The following ZNF732 variants were observed in gnomAD, a reference collection of about 807,000 sequenced individuals.
The protein encoded by ZNF732 is zinc finger protein 732.
Under a neutral mutation model 11.5 loss-of-function variants are expected in ZNF732, and 12 were observed. That is an observed-to-expected ratio of 1.05 (90% confidence interval 0.67 to 1.70). ZNF732 has a LOEUF of 1.70. ZNF732 is among the 40% of genes most tolerant of loss of function. ZNF732 has a pLI of 0.00. For missense variants in ZNF732, 702 were observed against 676.9 expected (o/e 1.04, Z -0.41); for synonymous variants, 231 against 236.5 (o/e 0.98, Z 0.21).
At chr4:290,118 TTA>T (rs1560161812) in intron 3 of ZNF732, among the ~76,000 whole-genome samples, 1 of 152,194 alleles carries the variant, frequency 6.6e-6, no homozygotes, top group Admixed American at 6.5e-5. Flanking sequence ...AAGATTCCAC[TTA>T]TATAAGGTAT....
intron 1 of ZNF732, among the ~76,000 whole-genome samples, chr4:297,776 C>G (rs1374427747): frequency 6.6e-6 from 1 of 152,172 alleles, no homozygotes; most frequent in African/African-American, 2.4e-5. Context: ...GGAGCACCAG[C>G]TTTGGAGAGG....
chr4:288,221 T>C (rs1193316532), intron 3 of ZNF732, among the ~76,000 whole-genome samples: 4 of 152,210 alleles, frequency 2.6e-5, no homozygotes, highest in East Asian at 3.8e-4. Context: ...CTCTTAATGT[T>C]TGTTAATGTG....
At chr4:294,896 T>C (rs560569068) in intron 3 of ZNF732, among the ~76,000 whole-genome samples, 5 of 152,310 alleles carry the variant, frequency 3.3e-5, no homozygotes, top group African/African-American at 1.2e-4. Context: ...TTTTTCATAT[T>C]TAGGAAAATG....
intron 3 of ZNF732, among the ~76,000 whole-genome samples, chr4:286,667 G>C (rs1719738188): frequency 6.6e-6 from 1 of 152,288 alleles, no homozygotes; most frequent in Middle Eastern, 3.4e-3. Context: ...TTGTTTAATG[G>C]ACAACCTGTT....
intron 1 of ZNF732, among the ~76,000 whole-genome samples, chr4:304,157 G>A (rs1213065242): frequency 3.9e-5 from 6 of 152,134 alleles, no homozygotes; most frequent in Non-Finnish European, 7.3e-5. Flanking sequence ...CACAATTCCT[G>A]AGGGTAGAAC....
intron 3 of ZNF732, among the ~76,000 whole-genome samples, chr4:273,741 G>A (rs375755564): frequency 2.6e-5 from 4 of 151,730 alleles, no homozygotes; most frequent in African/African-American, 7.2e-5. Flanking sequence ...ACTCAAAAAC[G>A]ACATCTTAGG....
At chr4:299,476 C>CACATATGTGTATATAT (rs1553843234) in intron 1 of ZNF732, among the ~76,000 whole-genome samples, 1 of 87,862 alleles carries the variant, frequency 1.1e-5, no homozygotes, top group African/African-American at 4.2e-5. Flanking sequence ...TATATATACA[C>CACATATGTGTATATAT]ATATATACAC....
chr4:271,255 C>G lies in ZNF732; in HGVS notation c.1602G>C (p.Glu534Asp). 1 of 1,572,080 alleles carries G rather than the reference C, an allele frequency of 6.4e-7. No homozygotes were observed. Among genetic ancestry groups the G allele is most frequent in the Admixed American group, 1.9e-5 (1 of 52,804 alleles). ...TGGAACGTCTAAATGCTTTGCCACA[C>G]TCTTCACATCTATAAGGTTTCTCTC... ...HTGEKPYRCEECGKAFRRSRV... is the reference protein window; with the variant it reads ...HTGEKPYRCEDCGKAFRRSRV... Residue 534 changes from glutamate (E) to aspartate (D), a missense_variant, in exon 4 of 4, where the codon GAG becomes GAC. Physicochemically the swap from Glu to Asp is conservative, Grantham distance 45 (BLOSUM62 2). Transcript: ENST00000419098.
intron 3 of ZNF732, among the ~76,000 whole-genome samples, chr4:292,890 CAAAAAA>C (rs34118991): frequency 3.1e-3 from 250 of 79,404 alleles, no homozygotes; most frequent in African/African-American, 0.011. Flanking sequence ...ACTAAAAACA[CAAAAAA>C]AAAAAAAAAA....
chr4:271,706 T>C lies in ZNF732; in HGVS notation c.1151A>G (p.His384Arg), dbSNP rs61792086. 1 of 1,612,864 alleles carries C rather than the reference T, an allele frequency of 6.2e-7. No homozygotes were observed. The highest frequency in any genetic ancestry group is 1.1e-5 in the South Asian group (1 of 90,954). ...SATLNKHKSIHTGEKPYTCEE... is the reference protein window; with the variant it reads ...SATLNKHKSIRTGEKPYTCEE... ...ACATGTGTAGGGTTTCTCTCCAGTA[T>C]GAATACTCTTATGTTTATTAAGGGT... Residue 384 changes from histidine (H) to arginine (R), a missense_variant, in exon 4 of 4, where the codon CAT (histidine) becomes CGT (arginine). Physicochemically the swap from His to Arg is conservative, Grantham distance 29. Coordinates refer to ENST00000419098, the MANE Select transcript of ZNF732 (RefSeq NM_001137608.3).
chr4:301,194 C>T (rs544972661), intron 1 of ZNF732, among the ~76,000 whole-genome samples: 3 of 152,154 alleles, frequency 2.0e-5, no homozygotes, highest in Admixed American at 2.0e-4. Context: ...GTTAGAATGG[C>T]GATCATTAAA....
rs1472179215 is a variant in ZNF732 at position 272,399 on chromosome 4, A to G, written c.458T>C (p.Phe153Ser). 6.9e-6 allele frequency: 11 copies of G among 1,596,696 alleles called. No homozygotes were observed. In the Admixed American group the frequency reaches 1.2e-4, roughly 18 times the overall value. Residue 153 changes from phenylalanine (F) to serine (S), a missense_variant, in exon 4 of 4, where the codon TTT becomes TCT. By Grantham distance (155) the Phe-to-Ser change is radical. Transcript: ENST00000419098. ...TATCCTACGTTGGTTTGAATTTGAA[A>G]ATGTACTAAATACTTTGACATGTAC... is the stretch of plus-strand genomic sequence containing the variant. ...CNVHVKVFST[F>S]SNSNQRRIRH...
At chr4:276,785 A>C (rs6824022) in intron 3 of ZNF732, among the ~76,000 whole-genome samples, 2,119 of 151,960 alleles carry the variant, frequency 0.014, 57 homozygotes, top group African/African-American at 0.049. Flanking sequence ...GATTTTTTTC[A>C]CAGAAATGGA....
chr4:296,606 A>T (rs1304082122), intron 1 of ZNF732, among the ~76,000 whole-genome samples: 2 of 152,162 alleles, frequency 1.3e-5, no homozygotes, highest in African/African-American at 4.8e-5. Flanking sequence ...CTACTGCAAC[A>T]CTGGGCTGAG....
At chr4:299,418 C>CATATGTGTATATATAT (rs1560165134) in intron 1 of ZNF732, among the ~76,000 whole-genome samples, 10 of 83,492 alleles carry the variant, frequency 1.2e-4, no homozygotes, top group East Asian at 3.6e-4. Flanking sequence ...TATATATACA[C>CATATGTGTATATATAT]ATATATACAC....
rs553807377 is a variant in ZNF732 at position 275,332 on chromosome 4, C to T, written c.227-2702G>A. Among the ~76,000 whole-genome samples, 12 of 151,756 alleles carry T rather than the reference C, an allele frequency of 7.9e-5. No individual in the cohort carries two copies. In the South Asian group the frequency reaches 1.2e-3, roughly 16 times the overall value. On this transcript the variant is annotated intron_variant, in intron 3 of 3. Transcript: ENST00000419098. ...AAATAATGAGAATATCTAGACTGCT[C>T]AATATAATCTACAGATTAAATGCAA...
chr4:301,886 T>C (rs1401138735), intron 1 of ZNF732, among the ~76,000 whole-genome samples: 2 of 152,110 alleles, frequency 1.3e-5, no homozygotes, highest in Non-Finnish European at 2.9e-5. Context: ...TATAGACAGA[T>C]AGATATAAAA....
intron 3 of ZNF732, among the ~76,000 whole-genome samples, chr4:293,022 C>T (rs1233916348): frequency 7.6e-5 from 10 of 130,734 alleles, no homozygotes; most frequent in African/African-American, 2.0e-4. Context: ...GAGCCGAGAT[C>T]GCGCCACTGC....
At chr4:289,072 T>C (rs1719788528) in intron 3 of ZNF732, among the ~76,000 whole-genome samples, 1 of 152,218 alleles carries the variant, frequency 6.6e-6, no homozygotes, top group Non-Finnish European at 1.5e-5. Flanking sequence ...AAGCTTCCAA[T>C]CATGGCAGGA....
Sources: allele counts gnomAD v4.1 joint callset (sites outside exome capture counted in the v4.1 genomes callset), GRCh38; gene constraint gnomAD v4.1.1; transcripts MANE v1.5; gene names NCBI Gene and HGNC (gene_info 2026-07-23, HGNC 2026-07-21).